The following VSTM2A variants were observed in gnomAD, a reference collection of about 807,000 sequenced individuals.
VSTM2A encodes V-set and transmembrane domain containing 2A, also known as V-set and transmembrane domain-containing protein 2A.
VSTM2A carries 13 observed loss-of-function variants against 27.3 expected under a neutral mutation model. The ratio of observed to expected loss-of-function variants is 0.48; its 90% confidence interval spans 0.31 to 0.76. VSTM2A has a LOEUF of 0.76. Among genes scored for constraint, VSTM2A ranks in the 30% least tolerant of loss-of-function variants. The pLI, the probability that VSTM2A is intolerant of heterozygous loss-of-function variation, is 0.05. For synonymous variants in VSTM2A, 142 were observed against 125.7 expected (o/e 1.13, Z -0.87); for missense variants, 280 against 310.0 (o/e 0.90, Z 0.73).
At chr7:54,563,041 A>G (rs1788610496) in intron 4 of VSTM2A, among the ~76,000 whole-genome samples, 1 of 152,206 alleles carries the variant, frequency 6.6e-6, no homozygotes, top group Non-Finnish European at 1.5e-5. Flanking sequence ...CAGTTATTAA[A>G]TATATGTGGT....
Position 54,544,698 on chromosome 7 carries a change from C to A in VSTM2A, c.156C>A (p.Ser52Arg). Residue 52 changes from serine to arginine, a missense_variant, in exon 2 of 5, where the codon AGC (serine) becomes AGA (arginine). Coordinates refer to ENST00000402613, the MANE Select transcript of VSTM2A (RefSeq NM_001301009.2). ...QNVEMSCAFQ[S>R]GSASVYLEIQ... ...TGGAGATGTCCTGCGCCTTCCAGAG[C>A]GGCTCCGCCTCGGTGTATCTGGAGA... 6.2e-7 allele frequency: 1 copy of A among 1,612,834 alleles called. No homozygotes were observed. The highest frequency in any genetic ancestry group is 1.1e-5 in the South Asian group (1 of 91,076).
In VSTM2A at chr7:54,542,550, T is replaced by C. The variant is rs1787815115; in HGVS notation, c.-181T>C. 8.2e-6 allele frequency: 5 copies of C among 610,212 alleles called. No individual in the cohort carries two copies. The highest frequency in any genetic ancestry group is 1.5e-5 in the Non-Finnish European group (5 of 344,172). 37.8% of individuals were successfully genotyped at this position (610,212 alleles called of 1,614,324 possible). On this transcript the variant is annotated 5_prime_UTR_variant, in exon 1 of 5. Coordinates refer to ENST00000402613, the MANE Select transcript of VSTM2A (RefSeq NM_001301009.2). ...GCCTCGCTGAATCCCAGCCAGCTGG[T>C]TCTAACCTTCCAGAATCGCAATCCC...
chr7:54,563,396 G>A (rs762216360), intron 4 of VSTM2A, among the ~76,000 whole-genome samples: 13 of 152,146 alleles, frequency 8.5e-5, no homozygotes, highest in African/African-American at 2.4e-4. Context: ...TAAAGAAATC[G>A]TAAGTGTTCA....
At chr7:54,567,582 C>T (rs892059792) in intron 4 of VSTM2A, among the ~76,000 whole-genome samples, 1 of 152,178 alleles carries the variant, frequency 6.6e-6, no homozygotes, top group Non-Finnish European at 1.5e-5. Context: ...TCGAGCCAAT[C>T]TGCAATGCCC....
intron 4 of VSTM2A, among the ~76,000 whole-genome samples, chr7:54,564,766 G>T (rs1788668930): frequency 6.6e-6 from 1 of 152,076 alleles, no homozygotes; most frequent in Non-Finnish European, 1.5e-5. Context: ...AAGAAGGAAT[G>T]CTAAAATAAT....
At chr7:54,546,418 C>G (rs573638445) in intron 2 of VSTM2A, among the ~76,000 whole-genome samples, 1 of 152,052 alleles carries the variant, frequency 6.6e-6, no homozygotes, top group South Asian at 2.1e-4. Flanking sequence ...GCAAGAGAAT[C>G]TGGGGCCAGG....
In VSTM2A at chr7:54,542,438, A is replaced by G. The variant is rs959603955; in HGVS notation, c.-293A>G. On this transcript the variant is annotated 5_prime_UTR_variant, in exon 1 of 5. Coordinates refer to ENST00000402613, the MANE Select transcript of VSTM2A (RefSeq NM_001301009.2). ...TCACGCAAGCCGGAGCGGCGGGCTG[A>G]CGTTGGACGAGCTGCCAGGTAGCTG... The G allele has an allele frequency of 1.5e-5, 7 of 460,770 alleles. No individual in the cohort carries two copies. Among genetic ancestry groups the G allele is most frequent in the Non-Finnish European group, 2.3e-5 (6 of 261,606 alleles). 28.5% of individuals were successfully genotyped at this position (460,770 alleles called of 1,614,324 possible).
chr7:54,569,346 A>G lies in VSTM2A; in HGVS notation c.*127A>G. ...TAAGAGAATTAACGTGAAGTGATAG[A>G]ACGTTTTCTAATAGCAAGATCTATT... On this transcript the variant is annotated 3_prime_UTR_variant, in exon 5 of 5. Transcript: ENST00000402613. 1.4e-6 allele frequency: 2 copies of G among 1,439,480 alleles called. No individual in the cohort carries two copies. The highest frequency in any genetic ancestry group is 1.9e-6 in the Non-Finnish European group (2 of 1,079,994). 89.2% of individuals were successfully genotyped at this position (1,439,480 alleles called of 1,614,324 possible).
At chr7:54,555,934 C>G (rs982790537) in intron 4 of VSTM2A, among the ~76,000 whole-genome samples, 12 of 152,138 alleles carry the variant, frequency 7.9e-5, no homozygotes, top group Non-Finnish European at 1.6e-4. Flanking sequence ...AGAACTCCAC[C>G]CAGTGCCTAC....
intron 3 of VSTM2A, 74 bp from the exon 4 acceptor site, chr7:54,549,760 A>T (rs1240976700): frequency 8.0e-6 from 11 of 1,374,982 alleles, no homozygotes; most frequent in African/African-American, 4.4e-5. Flanking sequence ...CAATATTAGC[A>T]AGCTCAGGGT....
At chr7:54,563,093 A>G (rs984689016) in intron 4 of VSTM2A, among the ~76,000 whole-genome samples, 4 of 152,130 alleles carry the variant, frequency 2.6e-5, no homozygotes, top group Admixed American at 2.6e-4. Context: ...TTGTTTTTCC[A>G]CCAATTTATA....
At chr7:54,559,635 A>C (rs1788486770) in intron 4 of VSTM2A, 1 of 152,170 alleles carries the variant, frequency 6.6e-6, no homozygotes, top group South Asian at 2.1e-4. Context: ...CCCTGAAATC[A>C]TACTTCTGAG....
intron 4 of VSTM2A, chr7:54,557,014 A>G (rs1788382101): frequency 6.6e-6 from 1 of 152,246 alleles, no homozygotes; most frequent in Non-Finnish European, 1.5e-5. Context: ...CTAGATGGCC[A>G]AAGTGTTGAA....
At chr7:54,567,873 TG>T (rs1788772302) in intron 4 of VSTM2A, among the ~76,000 whole-genome samples, 1 of 152,212 alleles carries the variant, frequency 6.6e-6, no homozygotes, top group South Asian at 2.1e-4. Flanking sequence ...CTCCATAGAT[TG>T]TGTACATTTT....
At chr7:54,546,817 G>GCCCCTGGTCGCTCCCCTGT (rs140369297) in intron 2 of VSTM2A, 130 bp from the exon 3 acceptor site, 148,517 of 1,144,970 alleles carry the variant, frequency 0.13, 12,239 homozygotes, top group Non-Finnish European at 0.14. Context: ...GGGTGGCCAC[G>GCCCCTGGTCGCTCCCCTGT]CCCCTGGTCG....
At chr7:54,568,936 G>A (rs1294821972) in intron 4 of VSTM2A, 195 bp from the exon 5 acceptor site, 2 of 1,495,550 alleles carry the variant, frequency 1.3e-6, no homozygotes, top group African/African-American at 1.4e-5. Flanking sequence ...ATATATGTAT[G>A]TGTTTAAAAC....
rs1233166784 is a variant in VSTM2A at position 54,553,958 on chromosome 7, C to T, written c.634+3788C>T. The T allele has an allele frequency of 3.9e-6, 6 of 1,552,268 alleles. No homozygotes were observed. The South Asian group carries it at 7.1e-5, about 18-fold the overall frequency. On this transcript the variant is annotated intron_variant, in intron 4 of 4. Coordinates refer to ENST00000402613, the MANE Select transcript of VSTM2A (RefSeq NM_001301009.2). ...CTCTGTCTTCACTTTTTTCTACTGA[C>T]CCCCTTCCCACCTTCCCAACGTCAC... is the stretch of plus-strand genomic sequence containing the variant.
At chr7:54,547,653 C>T (rs915243859) in intron 3 of VSTM2A, among the ~76,000 whole-genome samples, 3 of 152,066 alleles carry the variant, frequency 2.0e-5, no homozygotes, top group African/African-American at 4.8e-5. Flanking sequence ...CTCAAATGAG[C>T]CGCATAGCAT....
intron 4 of VSTM2A, among the ~76,000 whole-genome samples, chr7:54,567,284 A>G (rs955673890): frequency 6.6e-6 from 1 of 152,260 alleles, no homozygotes; most frequent in African/African-American, 2.4e-5. Flanking sequence ...TCTGAAAACA[A>G]AAGTACTATG....
Sources: gnomAD v4.1 joint callset for allele counts (sites outside exome capture counted in the v4.1 genomes callset) on GRCh38, gnomAD v4.1.1 for gene constraint, MANE v1.5 for transcripts, NCBI Gene and HGNC (gene_info 2026-07-23, HGNC 2026-07-21) for gene names.